Variants in BAZ2B observed in about 807,000 individuals in gnomAD.
The protein encoded by BAZ2B is bromodomain adjacent to zinc finger domain protein 2B.
BAZ2B carries 91 observed loss-of-function variants against 246.0 expected under a neutral mutation model. The observed-to-expected ratio is 0.37, with a 90% confidence interval of 0.31 to 0.44. BAZ2B has a LOEUF of 0.44. Among genes scored for constraint, BAZ2B ranks in the 20% least tolerant of loss-of-function variants. BAZ2B has a pLI of 1.00. For synonymous variants in BAZ2B, 855 were observed against 860.0 expected (o/e 0.99, Z 0.10); for missense variants, 2,332 against 2,533.7 (o/e 0.92, Z 1.71).
At chr2:159,571,571 C>A (rs1684019539) in intron 1 of BAZ2B, among the ~76,000 whole-genome samples, 1 of 152,100 alleles carries the variant, frequency 6.6e-6, no homozygotes, top group Non-Finnish European at 1.5e-5. Context: ...AGGCCTACTC[C>A]CTGACATCCA....
At chr2:159,397,949 C>T (rs1472164103) in intron 18 of BAZ2B, among the ~76,000 whole-genome samples, 1 of 152,066 alleles carries the variant, frequency 6.6e-6, no homozygotes, top group Admixed American at 6.6e-5. Context: ...ATTCAGGGCA[C>T]CATTCCAAGG....
chr2:159,612,716 A>T (rs1694958185), intron 1 of BAZ2B, among the ~76,000 whole-genome samples: 1 of 152,152 alleles, frequency 6.6e-6, no homozygotes, highest in South Asian at 2.1e-4. Flanking sequence ...GTTCTGTTTC[A>T]ATTCAATGAC....
intron 1 of BAZ2B, chr2:159,615,148 G>T (rs903822794): frequency 6.6e-6 from 1 of 152,126 alleles, no homozygotes; most frequent in African/African-American, 2.4e-5. Context: ...TACAGAGGGA[G>T]AAAGAAAAGA....
intron 2 of BAZ2B, among the ~76,000 whole-genome samples, chr2:159,540,797 G>T (rs1289280870): frequency 6.6e-6 from 1 of 152,144 alleles, no homozygotes; most frequent in East Asian, 1.9e-4. Flanking sequence ...CTCCCTTAGA[G>T]AGCAGGAACT....
At chr2:159,357,876 G>T (rs1324175226) in intron 27 of BAZ2B, among the ~76,000 whole-genome samples, 1 of 152,126 alleles carries the variant, frequency 6.6e-6, no homozygotes, top group Non-Finnish European at 1.5e-5. Flanking sequence ...AGCTTCATAA[G>T]CGAAGGAGAA....
Position 159,348,668 on chromosome 2 carries a change from A to G in BAZ2B, c.5293+10T>C. ...AAGAAAGAAAGCTGAAATATCTTTT[A>G]GGTACACACCATCCTTATTCTTGAG... On this transcript the variant is annotated intron_variant, in intron 30 of 36. Transcript: ENST00000392783. 1 of 1,580,626 alleles carries G rather than the reference A, an allele frequency of 6.3e-7. No homozygotes were observed. Among genetic ancestry groups the G allele is most frequent in the Non-Finnish European group, 8.5e-7 (1 of 1,170,756 alleles).
At chr2:159,704,480 T>C in the BAZ2B span, among the ~76,000 whole-genome samples, 1 of 131,972 alleles carries the variant, frequency 7.6e-6, no homozygotes, top group East Asian at 2.1e-4. Flanking sequence ...ATCTTTCTTT[T>C]TCTTTTTTTT....
intron 6 of BAZ2B, among the ~76,000 whole-genome samples, chr2:159,445,598 T>C (rs1323487156): frequency 6.6e-6 from 1 of 152,188 alleles, no homozygotes; most frequent in African/African-American, 2.4e-5. Context: ...ACCTGTCAGC[T>C]ACAGTGGCAG....
At chr2:159,366,448 A>G (rs898860979) in intron 27 of BAZ2B, among the ~76,000 whole-genome samples, 3 of 152,230 alleles carry the variant, frequency 2.0e-5, no homozygotes, top group Non-Finnish European at 4.4e-5. Flanking sequence ...TGAGACCTTT[A>G]ATAGTGACTC....
intron 20 of BAZ2B, among the ~76,000 whole-genome samples, chr2:159,390,068 T>C (rs947487599): frequency 6.6e-6 from 1 of 152,172 alleles, no homozygotes; most frequent in Non-Finnish European, 1.5e-5. Flanking sequence ...TTGGAGCAAG[T>C]GATTTTCTAT....
intron 1 of BAZ2B, among the ~76,000 whole-genome samples, chr2:159,611,239 C>T (rs1024511211): frequency 6.6e-6 from 1 of 151,790 alleles, no homozygotes; most frequent in Non-Finnish European, 1.5e-5. Flanking sequence ...ACTATATTAT[C>T]TCTAAAGATA....
intron 2 of BAZ2B, among the ~76,000 whole-genome samples, chr2:159,503,793 C>T (rs2082067191): frequency 6.6e-6 from 1 of 152,092 alleles, no homozygotes; most frequent in Non-Finnish European, 1.5e-5. Context: ...TTTGGCCAGG[C>T]TGGTCTCAAA....
the BAZ2B span, among the ~76,000 whole-genome samples, chr2:159,627,174 T>G: frequency 0.36 from 54,887 of 151,896 alleles, 10,101 homozygotes; most frequent in South Asian, 0.46. Context: ...AGACAGTAAT[T>G]AATATCCTAC....
intron 2 of BAZ2B, among the ~76,000 whole-genome samples, chr2:159,500,944 ACT>A (rs1375094725): frequency 1.4e-5 from 2 of 145,850 alleles, no homozygotes; most frequent in East Asian, 4.1e-4. Flanking sequence ...ACAGAGCAAG[ACT>A]CTGTCTCAAA....
intron 1 of BAZ2B, among the ~76,000 whole-genome samples, chr2:159,560,927 C>T (rs1267327724): frequency 1.3e-5 from 2 of 152,026 alleles, no homozygotes; most frequent in East Asian, 1.9e-4. Context: ...ATAAGCAATA[C>T]TTTTTTGGCA....
At chr2:159,655,869 C>A in the BAZ2B span, among the ~76,000 whole-genome samples, 1 of 152,050 alleles carries the variant, frequency 6.6e-6, no homozygotes, top group Non-Finnish European at 1.5e-5. Context: ...TTATGTTTCC[C>A]ATTACTTCTT....
the BAZ2B span, chr2:159,711,920 C>T: frequency 6.6e-6 from 1 of 152,088 alleles, no homozygotes; most frequent in Non-Finnish European, 1.5e-5. Flanking sequence ...AAGATTCTTA[C>T]CACAAGGAAA....
the BAZ2B span, among the ~76,000 whole-genome samples, chr2:159,639,024 A>G: frequency 1.3e-5 from 2 of 152,164 alleles, no homozygotes; most frequent in Non-Finnish European, 2.9e-5. Context: ...AACAGCATAC[A>G]ACGGAGCTCC....
chr2:159,528,338 A>C (rs900447698), intron 2 of BAZ2B, among the ~76,000 whole-genome samples: 16 of 152,112 alleles, frequency 1.1e-4, no homozygotes, highest in Non-Finnish European at 2.4e-4. Context: ...GGATTTGAGA[A>C]ATATTTAGGG....
Sources: gnomAD v4.1 joint callset for allele counts (sites outside exome capture counted in the v4.1 genomes callset) on GRCh38, gnomAD v4.1.1 for gene constraint, MANE v1.5 for transcripts, NCBI Gene and HGNC (gene_info 2026-07-23, HGNC 2026-07-21) for gene names.